EDIL3: variants seen among roughly 807,000 people sequenced by gnomAD.
EDIL3 encodes EGF-like repeat and discoidin I-like domain-containing protein 3.
A neutral mutation model predicts 67.4 loss-of-function variants in EDIL3; 37 were observed. That is an observed-to-expected ratio of 0.55 (90% CI 0.42 to 0.72). The LOEUF is 0.72. Ranked by LOEUF, EDIL3 falls within the 30% of genes least tolerant of loss-of-function variation. The pLI is 0.00. For synonymous variants in EDIL3, 195 were observed against 196.3 expected, an observed-to-expected ratio of 0.99 and a Z score of 0.05; for missense variants, 527 against 586.3, an observed-to-expected ratio of 0.90 and a Z score of 1.04.
At chr5:84,378,261 T>C (rs1385680114) in intron 1 of EDIL3, among the ~76,000 whole-genome samples, 1 of 152,204 alleles carries the variant, frequency 6.6e-6, no homozygotes, top group African/African-American at 2.4e-5. Flanking sequence ...TACATTTCAC[T>C]GCATTTGCAC....
intron 9 of EDIL3, among the ~76,000 whole-genome samples, chr5:83,998,018 G>A (rs1310950377): frequency 1.3e-5 from 2 of 152,096 alleles, no homozygotes; most frequent in African/African-American, 2.4e-5. Context: ...GCAAGCTAAA[G>A]TACTCTGGGA....
At chr5:84,092,816 A>C (rs1010183438) in intron 6 of EDIL3, among the ~76,000 whole-genome samples, 1 of 152,156 alleles carries the variant, frequency 6.6e-6, no homozygotes, top group Non-Finnish European at 1.5e-5. Context: ...AAAAACAAAC[A>C]AACAAAAAAC....
chr5:84,282,773 T>G (rs1209657248), intron 1 of EDIL3, among the ~76,000 whole-genome samples: 1 of 152,240 alleles, frequency 6.6e-6, no homozygotes, highest in African/African-American at 2.4e-5. Flanking sequence ...TCAATGAGTA[T>G]AGTATCATAT....
At chr5:84,302,667 C>T (rs914912495) in intron 1 of EDIL3, among the ~76,000 whole-genome samples, 1 of 152,122 alleles carries the variant, frequency 6.6e-6, no homozygotes, top group Non-Finnish European at 1.5e-5. Context: ...TCTTCATTTC[C>T]CAAAAATGTC....
At chr5:84,335,858 A>G (rs898046647) in intron 1 of EDIL3, among the ~76,000 whole-genome samples, 3 of 152,168 alleles carry the variant, frequency 2.0e-5, no homozygotes, top group African/African-American at 7.2e-5. Context: ...GGGAAGTCCA[A>G]GATCAAGATG....
chr5:84,312,214 G>A (rs1290797203), intron 1 of EDIL3, among the ~76,000 whole-genome samples: 1 of 139,390 alleles, frequency 7.2e-6, no homozygotes, highest in Non-Finnish European at 1.6e-5. Flanking sequence ...CCTCCCCGAC[G>A]GGGCGGCTGG....
In EDIL3 at chr5:83,941,588, C is replaced by T. The variant is rs534509274; in HGVS notation, c.*1831G>A. The T allele has an allele frequency of 7.2e-5, 11 of 151,990 alleles. No homozygotes were observed. The South Asian group carries it at 2.3e-3, about 32-fold the overall frequency. The allele number at this position is 151,990 out of a possible 1,614,324, so 9.4% of individuals were successfully genotyped here. A position where few individuals can be genotyped will look rare whatever the true frequency, so the allele number is the denominator to read the frequency against. On this transcript the variant is annotated 3_prime_UTR_variant, in exon 11 of 11. Transcript: ENST00000296591. ...GAACCTAAGTAATTATTTGTCACGA[C>T]TTTAAAATTTAGCCAGTTACAAATA...
chr5:84,141,854 C>T (rs1357425572), intron 4 of EDIL3, among the ~76,000 whole-genome samples: 1 of 147,652 alleles, frequency 6.8e-6, no homozygotes, highest in Non-Finnish European at 1.5e-5. Context: ...CAGAAATGCA[C>T]ACTCTGGAGA....
intron 3 of EDIL3, among the ~76,000 whole-genome samples, chr5:84,226,687 T>A (rs1206229548): frequency 6.6e-6 from 1 of 151,966 alleles, no homozygotes; most frequent in East Asian, 1.9e-4. Flanking sequence ...AATGTTAATA[T>A]AATCCATATG....
chr5:84,034,850 G>A (rs746139909), intron 9 of EDIL3, among the ~76,000 whole-genome samples: 3 of 152,088 alleles, frequency 2.0e-5, no homozygotes, highest in South Asian at 2.1e-4. Flanking sequence ...TGGGAGATAC[G>A]TTTTCTCTAG....
chr5:84,119,495 G>A (rs1747734312), intron 5 of EDIL3, among the ~76,000 whole-genome samples: 1 of 151,892 alleles, frequency 6.6e-6, no homozygotes, highest in Admixed American at 6.6e-5. Flanking sequence ...TGTAATGAAT[G>A]AAAATGAAAT....
intron 9 of EDIL3, among the ~76,000 whole-genome samples, chr5:84,012,491 C>G (rs943260691): frequency 1.3e-5 from 2 of 151,962 alleles, no homozygotes; most frequent in African/African-American, 4.8e-5. Context: ...GTTCAAATGA[C>G]AAATATCAAT....
chr5:84,353,052 T>C (rs1454445730), intron 1 of EDIL3, among the ~76,000 whole-genome samples: 1 of 152,100 alleles, frequency 6.6e-6, no homozygotes, highest in Non-Finnish European at 1.5e-5. Context: ...ATTTAACAAC[T>C]GTTAAATTAT....
intron 1 of EDIL3, among the ~76,000 whole-genome samples, chr5:84,319,324 C>CTT (rs1746578420): frequency 9.1e-6 from 1 of 110,488 alleles, no homozygotes; most frequent in African/African-American, 3.2e-5. Context: ...ATTAGCCGGG[C>CTT]GCAGTGGCGG....
intron 3 of EDIL3, among the ~76,000 whole-genome samples, chr5:84,205,859 A>AT (rs1743966307): frequency 2.0e-5 from 3 of 150,028 alleles, no homozygotes; most frequent in African/African-American, 7.3e-5. Context: ...CTTTCAAAAA[A>AT]CCAGCTCCTG....
intron 1 of EDIL3, among the ~76,000 whole-genome samples, chr5:84,326,890 A>T (rs924232076): frequency 3.3e-5 from 5 of 151,516 alleles, no homozygotes; most frequent in Non-Finnish European, 5.9e-5. Flanking sequence ...CCTTTTAAAA[A>T]TTTTTTCATC....
In EDIL3 at chr5:84,094,779, C is replaced by A. The variant is rs553582756; in HGVS notation, c.651+11870G>T. 3.3e-5 allele frequency among the ~76,000 whole-genome samples: 5 copies of A among 152,244 alleles called. No individual in the cohort carries two copies. The South Asian group carries it at 1.0e-3, about 32-fold the overall frequency. ...TAATTCCCTTTTGGGCCGATATATT[C>A]TACATTAACTATAATTTTCTTAAAA... On this transcript the variant is annotated intron_variant, in intron 6 of 10. Coordinates refer to ENST00000296591, the MANE Select transcript of EDIL3 (RefSeq NM_005711.5).
At chr5:84,005,035 G>A (rs964593710) in intron 9 of EDIL3, among the ~76,000 whole-genome samples, 2 of 151,940 alleles carry the variant, frequency 1.3e-5, no homozygotes, top group Non-Finnish European at 2.9e-5. Flanking sequence ...GAAATACTAA[G>A]AACCCTCATA....
At chr5:84,383,083 A>C (rs1004783205) in intron 1 of EDIL3, among the ~76,000 whole-genome samples, 8 of 152,220 alleles carry the variant, frequency 5.3e-5, no homozygotes, top group African/African-American at 1.9e-4. Context: ...GACTGGAGTC[A>C]ACGCATTTTT....
Sources: gnomAD v4.1 joint callset for allele counts (sites outside exome capture counted in the v4.1 genomes callset) on GRCh38, gnomAD v4.1.1 for gene constraint, MANE v1.5 for transcripts, NCBI Gene and HGNC (gene_info 2026-07-23, HGNC 2026-07-21) for gene names.